The following ENG variants were observed in gnomAD, a reference collection of about 807,000 sequenced individuals.
ENG encodes the protein CD105 antigen.
In ENG, 17 loss-of-function variants were observed where a neutral mutation model predicts 71.0. The ratio of observed to expected loss-of-function variants is 0.24; its 90% CI spans 0.16 to 0.36. The LOEUF is 0.36. ENG is among the 10% of genes least tolerant of loss of function. The pLI, the probability that ENG is intolerant of heterozygous loss-of-function variation, is 1.00. For missense variants in ENG, 749 were observed against 868.3 expected, an observed-to-expected ratio of 0.86 and a Z score of 1.73; for synonymous variants, 360 against 366.9, an observed-to-expected ratio of 0.98 and a Z score of 0.21.
At position 127,815,923 on chromosome 9, in the gene ENG, T is replaced by C. The variant is rs143524008; in HGVS notation, c.1852+20A>G. 5 of 1,587,564 alleles carry C rather than the reference T, an allele frequency of 3.1e-6. No individual in the cohort carries two copies. In the African/African-American group the frequency reaches 6.7e-5, roughly 21 times the overall value. On this transcript the variant is annotated intron_variant, in intron 14 of 14. Transcript: ENST00000373203. Reference sequence around the variant, plus strand: ...ATGGAGGGGCCCGGCATGCTCACTGTGGGGGCCTGGGGTACTCACGCGTGT... The same window carrying C: ...ATGGAGGGGCCCGGCATGCTCACTGCGGGGGCCTGGGGTACTCACGCGTGT...
chr9:127,823,610 G>A (rs1471273600), intron 8 of ENG, among the ~76,000 whole-genome samples: 1 of 149,192 alleles, frequency 6.7e-6, no homozygotes, highest in African/African-American at 2.5e-5. Context: ...GGATGGTCTC[G>A]ATCTCCTGAC....
At chr9:127,815,897 G>T in intron 14 of ENG, 46 bp downstream of exon 14, 1 of 1,573,078 alleles carries the variant, frequency 6.4e-7, no homozygotes, top group Non-Finnish European at 8.6e-7. Flanking sequence ...CCCCCGGGTG[G>T]ATGGAGGGGC....
chr9:127,833,411 C>T (rs1052882048), intron 2 of ENG, among the ~76,000 whole-genome samples: 2 of 150,986 alleles, frequency 1.3e-5, no homozygotes, highest in African/African-American at 4.9e-5. Context: ...ATCCCAGCTA[C>T]TCGGGAGGCT....
rs201896712 is a variant in ENG at position 127,835,774 on chromosome 9, G to GA, written c.220-5948dup. ...AGGTTGGGCTATGGATAAAGGAAGTGAAAAAAAAGGGAAGTGCAGGTCACA... is the reference window on the plus strand; with the variant it reads ...AGGTTGGGCTATGGATAAAGGAAGTGAAAAAAAAAGGGAAGTGCAGGTCACA... On this transcript the variant is annotated intron_variant, in intron 2 of 14. Transcript: ENST00000373203. 8.3e-4 allele frequency among the ~76,000 whole-genome samples: 126 copies of GA among 151,738 alleles called. 1 individual carries two copies. In the East Asian group the frequency reaches 0.019, roughly 22 times the overall value.
intron 1 of ENG, among the ~76,000 whole-genome samples, chr9:127,849,915 G>T (rs1452066458): frequency 6.6e-6 from 1 of 152,210 alleles, no homozygotes; most frequent in African/African-American, 2.4e-5. Context: ...CCTTTGTAGG[G>T]CTTTTGCAAG....
chr9:127,843,736 C>T (rs2417058), intron 1 of ENG, among the ~76,000 whole-genome samples: 87,338 of 89,472 alleles, frequency 0.98, 42,654 homozygotes, highest in Non-Finnish European at 1. Context: ...CATCCACATA[C>T]ATATATATAT....
chr9:127,844,578 C>T (rs971786392), intron 1 of ENG, among the ~76,000 whole-genome samples: 2 of 151,778 alleles, frequency 1.3e-5, no homozygotes, highest in African/African-American at 2.4e-5. Flanking sequence ...TATAGGCATG[C>T]ACCACCACAT....
rs780018293 is a variant in ENG at position 127,815,799 on chromosome 9, G to C, written c.1860C>G (p.Pro620=). The C allele has an allele frequency of 2.6e-6, 4 of 1,546,470 alleles. No homozygotes were observed. The South Asian group carries it at 4.8e-5, about 18-fold the overall frequency. Reference sequence around the variant, plus strand: ...CCGCCACCACGGGCTCCCGCTTGCTGGGGGAACCTGGGAGCGGGAGCGGGG... The same window carrying C: ...CCGCCACCACGGGCTCCCGCTTGCTCGGGGAACCTGGGAGCGGGAGCGGGG... ...LWYIYSHTRS[P]SKREPVVAVA... The change falls in exon 15 of 15, where the codon CCC becomes CCG. Residue 620 remains proline, a synonymous_variant. Coordinates refer to ENST00000373203, the MANE Select transcript of ENG (RefSeq NM_001114753.3).
chr9:127,838,409 G>A lies in ENG; in HGVS notation c.219+4685C>T, dbSNP rs897529517. Among the ~76,000 whole-genome samples the A allele has an allele frequency of 6.6e-6, 1 of 152,158 alleles. No individual in the cohort carries two copies. The highest frequency in any genetic ancestry group is 1.5e-5 in the Non-Finnish European group (1 of 68,036). Reference sequence around the variant, plus strand: ...AGGGGTCCCCTTTGCCCAAGTCTGAGGGCTGTACTGCCTTCCATGGCCTCC... The same window carrying A: ...AGGGGTCCCCTTTGCCCAAGTCTGAAGGCTGTACTGCCTTCCATGGCCTCC... On this transcript the variant is annotated intron_variant, in intron 2 of 14. Transcript: ENST00000373203. This position sits in a 1 kb window ranked among gnomAD's most constrained non-coding sequence, Gnocchi z 4.3.
In ENG at chr9:127,820,041, G is replaced by GT. The variant is rs750199527; in HGVS notation, c.1135-5_1135-4insA. On this transcript the variant is annotated splice_polypyrimidine_tract_variant and splice_region_variant and intron_variant, in intron 8 of 14. Coordinates refer to ENST00000373203, the MANE Select transcript of ENG (RefSeq NM_001114753.3). ...CCGTGATGGTGCACTTCAAATGCTG[G>GT]GTCGGAAGAGAGGGGCACCATCAGG... The GT allele has an allele frequency of 6.2e-7, 1 of 1,613,516 alleles. No homozygotes were observed. Among genetic ancestry groups the GT allele is most frequent in the East Asian group, 2.2e-5 (1 of 44,870 alleles).
chr9:127,829,623 A>G, intron 3 of ENG, 64 bp downstream of exon 3: 2 of 1,605,274 alleles, frequency 1.2e-6, no homozygotes, highest in Non-Finnish European at 8.5e-7. Flanking sequence ...TGACCCACAG[A>G]GATGGACAGT....
At chr9:127,824,564 G>A in intron 7 of ENG, 118 bp from the exon 8 acceptor site, 1 of 1,335,704 alleles carries the variant, frequency 7.5e-7, no homozygotes, top group South Asian at 1.5e-5. Context: ...TGTTACCCGG[G>A]CTGGAGTGCA....
rs1588576300 is a variant in ENG at position 127,819,351 on chromosome 9, CCTTT to C, written c.1311+267_1311+270del. ...CCAGAAGCACCCTGTGGCGCAGAGT[CCTTT>C]CTTAGGCCACCTTTGGGCCCAGAAA... On this transcript the variant is annotated intron_variant, in intron 10 of 14. Transcript: ENST00000373203. 8.2e-6 allele frequency: 4 copies of C among 488,252 alleles called. No homozygotes were observed. In the East Asian group the frequency reaches 1.6e-4, roughly 19 times the overall value. The allele number at this position is 488,252 out of a possible 1,614,324, so 30.2% of individuals were successfully genotyped here. A position where few individuals can be genotyped will look rare whatever the true frequency, so the allele number is the denominator to read the frequency against.
intron 8 of ENG, among the ~76,000 whole-genome samples, chr9:127,824,102 C>T (rs1033198063): frequency 2.6e-5 from 4 of 152,170 alleles, no homozygotes; most frequent in Admixed American, 6.5e-5. Flanking sequence ...TACTGTGCCA[C>T]GTGATTGGCC....
chr9:127,850,217 C>T (rs368494776), intron 1 of ENG, among the ~76,000 whole-genome samples: 2 of 152,236 alleles, frequency 1.3e-5, no homozygotes, highest in Admixed American at 1.3e-4. Flanking sequence ...TGGAAGCAGA[C>T]GGCCTGGAGT....
intron 2 of ENG, among the ~76,000 whole-genome samples, chr9:127,834,713 A>G (rs1219572962): frequency 6.7e-6 from 1 of 149,216 alleles, no homozygotes; most frequent in Non-Finnish European, 1.5e-5. Context: ...TAATTTTTGT[A>G]TTTTTAGTGG....
intron 8 of ENG, 108 bp from the exon 9 acceptor site, chr9:127,820,145 T>G: frequency 7.0e-7 from 1 of 1,438,826 alleles, no homozygotes; most frequent in Non-Finnish European, 9.4e-7. Context: ...GTCACAGCCA[T>G]TCCCCTGCCC....
intron 2 of ENG, among the ~76,000 whole-genome samples, chr9:127,830,499 C>A (rs963029774): frequency 2.0e-5 from 3 of 151,582 alleles, no homozygotes; most frequent in African/African-American, 7.3e-5. Context: ...AAAAAATTAG[C>A]CAGGTGGGGT....
At chr9:127,850,826 C>T (rs1831266650) in intron 1 of ENG, among the ~76,000 whole-genome samples, 1 of 152,216 alleles carries the variant, frequency 6.6e-6, no homozygotes, top group Admixed American at 6.5e-5. Context: ...GGAAAAGGTG[C>T]ACGTACCAAA....
Sources: allele counts gnomAD v4.1 joint callset (sites outside exome capture counted in the v4.1 genomes callset), GRCh38; gene constraint gnomAD v4.1.1; non-coding constraint Gnocchi (gnomAD v3.1); transcripts MANE v1.5; gene names NCBI Gene and HGNC (gene_info 2026-07-23, HGNC 2026-07-21).